Variants in ATP6V1C2 observed in about 807,000 individuals in gnomAD.
The protein encoded by ATP6V1C2 is ATPase H+ transporting V1 subunit C2, also known as V-type proton ATPase subunit C 2.
Under a neutral mutation model 56.8 loss-of-function variants are expected in ATP6V1C2, and 45 were observed. The observed-to-expected ratio is 0.79, with a 90% CI of 0.62 to 1.02. The LOEUF (loss-of-function observed/expected upper bound fraction) is 1.02. Ranked by LOEUF, ATP6V1C2 falls within the 50% of genes least tolerant of loss-of-function variation. The probability of loss-of-function intolerance (pLI) is 0.00; values close to 1 mark genes in which losing one functional copy is unlikely to be tolerated. For synonymous variants in ATP6V1C2, 220 were observed against 201.3 expected, an observed-to-expected ratio of 1.09 and a Z score of -0.79; for missense variants, 463 against 519.7, an observed-to-expected ratio of 0.89 and a Z score of 1.06.
chr2:10,760,005 A>G (rs948152773), intron 4 of ATP6V1C2, among the ~76,000 whole-genome samples: 1 of 150,854 alleles, frequency 6.6e-6, no homozygotes, highest in Non-Finnish European at 1.5e-5. Flanking sequence ...TCAGAAAAAT[A>G]AAGACAAGCA....
chr2:10,777,650 C>A lies in ATP6V1C2; in HGVS notation c.891C>A (p.Thr297=). The change falls in exon 11 of 14, where the codon ACC becomes ACA. Residue 297 remains threonine (T), a synonymous_variant. Coordinates refer to ENST00000272238, the MANE Select transcript of ATP6V1C2 (RefSeq NM_001039362.2). ...TCCCGGACCACAAGGTTAAGGTAAC[C>A]CCGCTAGGTAACCCTGATAGGCCTG... ...STFPDHKVKV[T]PLGNPDRPAA... 3 of 1,614,138 alleles carry A rather than the reference C, an allele frequency of 1.9e-6. No individual in the cohort carries two copies. The highest frequency in any genetic ancestry group is 1.7e-6 in the Non-Finnish European group (2 of 1,180,022).
At chr2:10,758,542 T>G (rs1414671533) in intron 4 of ATP6V1C2, among the ~76,000 whole-genome samples, 2 of 152,092 alleles carry the variant, frequency 1.3e-5, no homozygotes, top group African/African-American at 4.8e-5. Context: ...CCTGTGGTTG[T>G]GCCTGTCCAT....
chr2:10,721,325 C>G (rs996843070), upstream of ATP6V1C2, among the ~76,000 whole-genome samples: 1 of 152,106 alleles, frequency 6.6e-6, no homozygotes, highest in African/African-American at 2.4e-5. Flanking sequence ...GAGCTCAGAG[C>G]CTTTTCCCGA....
chr2:10,728,889 A>C (rs1661799593), intron 3 of ATP6V1C2, among the ~76,000 whole-genome samples: 1 of 149,658 alleles, frequency 6.7e-6, no homozygotes, highest in Non-Finnish European at 1.5e-5. Flanking sequence ...CTATAATCTC[A>C]GGACTTCGGG....
At chr2:10,730,826 G>GT (rs1376433622) in intron 3 of ATP6V1C2, among the ~76,000 whole-genome samples, 1 of 151,552 alleles carries the variant, frequency 6.6e-6, no homozygotes, top group Non-Finnish European at 1.5e-5. Flanking sequence ...CTAATTCTGT[G>GT]TTTTTTAGTA....
At chr2:10,754,882 T>C (rs1558405412) in intron 4 of ATP6V1C2, among the ~76,000 whole-genome samples, 1 of 151,736 alleles carries the variant, frequency 6.6e-6, no homozygotes, top group Non-Finnish European at 1.5e-5. Context: ...CGGCCTATTA[T>C]GATTATTTTC....
Position 10,783,402 on chromosome 2 carries a change from T to C in ATP6V1C2, c.*139T>C. On this transcript the variant is annotated 3_prime_UTR_variant, in exon 14 of 14. Transcript: ENST00000272238. ...ATTGCTCACAAAAGTTAGTGACAGT[T>C]GTATTTATTTTTTTAAGTTACAATA... 1.8e-6 allele frequency: 1 copy of C among 544,124 alleles called. No homozygotes were observed. The highest frequency in any genetic ancestry group is 3.2e-6 in the Non-Finnish European group (1 of 311,288). 33.7% of individuals were successfully genotyped at this position (544,124 alleles called of 1,614,324 possible).
At chr2:10,752,071 A>C (rs67490022) in intron 3 of ATP6V1C2, among the ~76,000 whole-genome samples, 32,518 of 151,994 alleles carry the variant, frequency 0.21, 3,682 homozygotes, top group East Asian at 0.39. Flanking sequence ...CTCAAAAAAA[A>C]AACAACAACA....
chr2:10,762,856 C>A (rs1321277134), intron 4 of ATP6V1C2, among the ~76,000 whole-genome samples: 1 of 152,108 alleles, frequency 6.6e-6, no homozygotes, highest in Admixed American at 6.5e-5. Flanking sequence ...CCTCCCAGGG[C>A]TCCTCCCACT....
intron 3 of ATP6V1C2, among the ~76,000 whole-genome samples, chr2:10,750,788 C>A (rs888733107): frequency 6.6e-6 from 1 of 152,132 alleles, no homozygotes; most frequent in Non-Finnish European, 1.5e-5. Flanking sequence ...CAGCAACTCC[C>A]ACAGGTCGCT....
intron 3 of ATP6V1C2, among the ~76,000 whole-genome samples, chr2:10,729,171 A>T (rs1661822027): frequency 7.4e-6 from 1 of 135,968 alleles, no homozygotes; most frequent in Admixed American, 7.4e-5. Flanking sequence ...TCATTGGAAA[A>T]CTTTTTTTTT....
intron 3 of ATP6V1C2, among the ~76,000 whole-genome samples, chr2:10,750,540 AC>A (rs1249525173): frequency 1.4e-5 from 2 of 141,334 alleles, no homozygotes; most frequent in African/African-American, 5.7e-5. Flanking sequence ...AAAAAAAAAA[AC>A]AAAACAAAAC....
intron 3 of ATP6V1C2, among the ~76,000 whole-genome samples, chr2:10,753,336 T>C (rs1048654065): frequency 6.6e-6 from 1 of 152,228 alleles, no homozygotes; most frequent in African/African-American, 2.4e-5. Flanking sequence ...AATGGCTCTC[T>C]AATAATCCCT....
intron 3 of ATP6V1C2, among the ~76,000 whole-genome samples, chr2:10,735,129 G>C (rs890127091): frequency 2.6e-5 from 4 of 152,136 alleles, no homozygotes; most frequent in Non-Finnish European, 4.4e-5. Flanking sequence ...AAAATATCTT[G>C]TTAAAGTTAA....
At chr2:10,774,472 C>T (rs775311806) in intron 8 of ATP6V1C2, among the ~76,000 whole-genome samples, 2 of 152,246 alleles carry the variant, frequency 1.3e-5, no homozygotes, top group Non-Finnish European at 2.9e-5. Context: ...CAGGGACACC[C>T]TGTGCCAGCT....
chr2:10,770,992 G>A (rs1664563931), intron 6 of ATP6V1C2, among the ~76,000 whole-genome samples: 1 of 152,224 alleles, frequency 6.6e-6, no homozygotes, highest in African/African-American at 2.4e-5. Flanking sequence ...ATAGTGTAAG[G>A]GTAACGTGTT....
chr2:10,721,086 G>GCACACCCGCGCC (rs953669327), upstream of ATP6V1C2: 2 of 152,236 alleles, frequency 1.3e-5, no homozygotes, highest in Admixed American at 6.5e-5. Flanking sequence ...GCAACCGGGC[G>GCACACCCGCGCC]CACACCCGCG....
At chr2:10,737,279 G>C (rs114465863) in intron 3 of ATP6V1C2, among the ~76,000 whole-genome samples, 40,659 of 130,562 alleles carry the variant, frequency 0.31, 6,254 homozygotes, top group South Asian at 0.5. Context: ...AAAAAAAAAA[G>C]ATTAACCAGG....
At chr2:10,767,811 T>TATTTTATCTTTAAAATTATTTTATG (rs754593950) in intron 5 of ATP6V1C2, 1 of 151,536 alleles carries the variant, frequency 6.6e-6, no homozygotes, top group African/African-American at 2.4e-5. Flanking sequence ...TAATTATATT[T>TATTTTATCTTTAAAATTATTTTATG]ATTTTATCTT....
Sources: gnomAD v4.1 joint callset for allele counts (sites outside exome capture counted in the v4.1 genomes callset) on GRCh38, gnomAD v4.1.1 for gene constraint, MANE v1.5 for transcripts, NCBI Gene and HGNC (gene_info 2026-07-23, HGNC 2026-07-21) for gene names.